ZSWIM5: variants seen among roughly 807,000 people sequenced by gnomAD.
The protein encoded by ZSWIM5 is zinc finger SWIM domain-containing protein 5.
In ZSWIM5, 55 loss-of-function variants were observed where a neutral mutation model predicts 119.6. The ratio of observed to expected loss-of-function variants is 0.46; its 90% CI spans 0.37 to 0.58. The LOEUF (loss-of-function observed/expected upper bound fraction) is 0.58, where lower values mean the gene tolerates loss of function less well. Ranked by LOEUF, ZSWIM5 falls within the 20% of genes least tolerant of loss-of-function variation. The pLI is 0.00. For missense variants in ZSWIM5, 1,193 were observed against 1,512.8 expected (o/e 0.79, Z 3.51); for synonymous variants, 537 against 606.9 (o/e 0.88, Z 1.69).
chr1:45,048,726 T>C (rs1187503807), intron 5 of ZSWIM5, among the ~76,000 whole-genome samples: 3 of 152,146 alleles, frequency 2.0e-5, no homozygotes, highest in Non-Finnish European at 4.4e-5. Flanking sequence ...GTTGAATGGC[T>C]AAGTTATGGT....
At chr1:45,153,287 C>T (rs1374129249) in intron 1 of ZSWIM5, among the ~76,000 whole-genome samples, 5 of 151,498 alleles carry the variant, frequency 3.3e-5, no homozygotes, top group Non-Finnish European at 7.4e-5. Context: ...TTTGGGAGGC[C>T]GAGGTGGGCA....
chr1:45,194,643 C>T (rs556130693), intron 1 of ZSWIM5, among the ~76,000 whole-genome samples: 6 of 152,048 alleles, frequency 3.9e-5, no homozygotes, highest in South Asian at 2.1e-4. Context: ...TTTGGGAGGC[C>T]GAGGTGGGCG....
chr1:45,166,320 A>AAAT (rs1470009722), intron 1 of ZSWIM5, among the ~76,000 whole-genome samples: 6 of 152,126 alleles, frequency 3.9e-5, no homozygotes, highest in Non-Finnish European at 8.8e-5. Context: ...ATGTATCTCA[A>AAAT]AATAATAAGA....
chr1:45,059,830 G>A (rs1570040785), intron 3 of ZSWIM5, among the ~76,000 whole-genome samples: 1 of 152,168 alleles, frequency 6.6e-6, no homozygotes, highest in South Asian at 2.1e-4. Context: ...AAAGCAGAGG[G>A]AAGGTAGTTT....
Position 45,125,789 on chromosome 1 carries a change from G to A in ZSWIM5, c.596-37552C>T, listed in dbSNP as rs148014903. Among the ~76,000 whole-genome samples the A allele has an allele frequency of 3.3e-3, 490 of 148,800 alleles. 4 individuals carry two copies. The highest frequency in any genetic ancestry group is 0.012 in the Middle Eastern group (3 of 260). ...ACAAAAAAAAAAAAAAAGGAAGGCC[G>A]GCACAATGGCTCATGCCTATAATCC... On this transcript the variant is annotated intron_variant, in intron 1 of 13. Transcript: ENST00000359600.
chr1:45,044,792 T>TATATATATAA (rs1557746548), intron 5 of ZSWIM5, among the ~76,000 whole-genome samples: 16 of 6,418 alleles, frequency 2.5e-3, no homozygotes, highest in Non-Finnish European at 3.5e-3. Flanking sequence ...TATATATAAA[T>TATATATATAA]ATATATATAT....
At chr1:45,192,891 C>T (rs1646100631) in intron 1 of ZSWIM5, among the ~76,000 whole-genome samples, 1 of 152,094 alleles carries the variant, frequency 6.6e-6, no homozygotes, top group Admixed American at 6.5e-5. Context: ...ATTTTCATTA[C>T]TCTAATAATT....
At chr1:45,105,509 C>T (rs1645466760) in intron 1 of ZSWIM5, among the ~76,000 whole-genome samples, 1 of 150,480 alleles carries the variant, frequency 6.6e-6, no homozygotes, top group Non-Finnish European at 1.5e-5. Flanking sequence ...AGGAGCGCCT[C>T]TGCCTGGCCG....
chr1:45,028,021 T>G (rs1202277356), intron 11 of ZSWIM5, among the ~76,000 whole-genome samples: 1 of 152,122 alleles, frequency 6.6e-6, no homozygotes, highest in African/African-American at 2.4e-5. Flanking sequence ...CAGCTAATTT[T>G]TGTATTTTTA....
rs1415705739 is a variant in ZSWIM5 at position 45,057,316 on chromosome 1, T to C, written c.1252+1293A>G. On this transcript the variant is annotated intron_variant, in intron 4 of 13. Coordinates refer to ENST00000359600, the MANE Select transcript of ZSWIM5 (RefSeq NM_020883.2). The surrounding 1 kb of genome is among the most constrained non-coding windows in gnomAD (Gnocchi z 4.7). ...AGAATGCTGAGGGTTTCTTGGATGG[T>C]AGGTACAGTAATTTGTTAGATATGA... 6.6e-6 allele frequency among the ~76,000 whole-genome samples: 1 copy of C among 152,242 alleles called. No individual in the cohort carries two copies. Among genetic ancestry groups the C allele is most frequent in the Non-Finnish European group, 1.5e-5 (1 of 68,042 alleles).
chr1:45,205,768 C>A lies in ZSWIM5; in HGVS notation c.583G>T (p.Val195Leu). 1 of 1,567,380 alleles carries A rather than the reference C, an allele frequency of 6.4e-7. No individual in the cohort carries two copies. The highest frequency in any genetic ancestry group is 8.6e-7 in the Non-Finnish European group (1 of 1,161,692). ...RLLDSGSVENVLQVGFHLSGT... is the reference protein window; with the variant it reads ...RLLDSGSVENLLQVGFHLSGT... ...GACGAGCACATACCGACTTGCAGCACGTTCTCCACGGAGCCGCTGTCCAGC... is the reference window on the plus strand; with the variant it reads ...GACGAGCACATACCGACTTGCAGCAAGTTCTCCACGGAGCCGCTGTCCAGC... The change falls in exon 1 of 14, where the codon GTG (valine) becomes TTG (leucine). Residue 195 changes from valine (V) to leucine (L), a missense_variant. By Grantham distance (32) the Val-to-Leu change is conservative. Transcript: ENST00000359600.
intron 1 of ZSWIM5, among the ~76,000 whole-genome samples, chr1:45,141,118 G>A (rs185106545): frequency 2.6e-4 from 39 of 152,222 alleles, no homozygotes; most frequent in Admixed American, 2.1e-3. Context: ...CAATCCTGTC[G>A]TGATGGCAGT....
intron 4 of ZSWIM5, among the ~76,000 whole-genome samples, chr1:45,054,658 C>T (rs928771917): frequency 6.6e-5 from 9 of 136,888 alleles, no homozygotes; most frequent in Admixed American, 2.1e-4. Context: ...TAAAATTTTA[C>T]GTAATTATTA....
chr1:45,179,415 T>A (rs1440879220), intron 1 of ZSWIM5, among the ~76,000 whole-genome samples: 3 of 151,842 alleles, frequency 2.0e-5, no homozygotes, highest in Non-Finnish European at 4.4e-5. Context: ...GTTGTAAAAA[T>A]GGGAACAACA....
intron 1 of ZSWIM5, among the ~76,000 whole-genome samples, chr1:45,168,681 A>G (rs2149044558): frequency 6.6e-6 from 1 of 150,892 alleles, no homozygotes; most frequent in African/African-American, 2.4e-5. Flanking sequence ...AAAAAAAAAA[A>G]AAAAGAATAA....
rs1645232145 is a variant in ZSWIM5 at position 45,072,832 on chromosome 1, G to A, written c.953-12585C>T. Among the ~76,000 whole-genome samples the A allele has an allele frequency of 2.0e-5, 3 of 152,002 alleles. No homozygotes were observed. Among genetic ancestry groups the A allele is most frequent in the Admixed American group, 1.3e-4 (2 of 15,280 alleles). On this transcript the variant is annotated intron_variant, in intron 2 of 13. Coordinates refer to ENST00000359600, the MANE Select transcript of ZSWIM5 (RefSeq NM_020883.2). The surrounding 1 kb of genome is among the most constrained non-coding windows in gnomAD (Gnocchi z 4.1). ...CTATTTTGGTTACTATAGCTCTGTA[G>A]TATAATGTGAAGTCAAGTAATAACT...
intron 11 of ZSWIM5, among the ~76,000 whole-genome samples, chr1:45,021,392 C>T (rs141872924): frequency 7.9e-4 from 120 of 152,226 alleles, no homozygotes; most frequent in African/African-American, 2.7e-3. Context: ...CAAAAAAGAA[C>T]GGCAGTCCCA....
chr1:45,175,938 T>C (rs752223263), intron 1 of ZSWIM5, among the ~76,000 whole-genome samples: 3 of 151,892 alleles, frequency 2.0e-5, no homozygotes, highest in Admixed American at 1.3e-4. Context: ...AGAACCTCCC[T>C]GCTTTCTGGC....
chr1:45,037,180 G>A (rs954004422), intron 8 of ZSWIM5, among the ~76,000 whole-genome samples: 2 of 147,288 alleles, frequency 1.4e-5, no homozygotes, highest in African/African-American at 2.5e-5. Flanking sequence ...GCACGGTATC[G>A]GCTTACTGCA....
Sources: allele counts gnomAD v4.1 joint callset (sites outside exome capture counted in the v4.1 genomes callset), GRCh38; gene constraint gnomAD v4.1.1; non-coding constraint Gnocchi (gnomAD v3.1); transcripts MANE v1.5; gene names NCBI Gene and HGNC (gene_info 2026-07-23, HGNC 2026-07-21).